KCNQ2: variants seen among roughly 807,000 people sequenced by gnomAD.
KCNQ2 encodes the protein potassium voltage-gated channel subfamily KQT member 2.
In KCNQ2, 14 loss-of-function variants were observed where a neutral mutation model predicts 84.8. The ratio of observed to expected loss-of-function variants is 0.17; its 90% CI spans 0.11 to 0.26. The LOEUF is 0.26. KCNQ2 is among the 10% of genes least tolerant of loss of function. The pLI, the probability that KCNQ2 is intolerant of heterozygous loss-of-function variation, is 1.00. For synonymous variants in KCNQ2, 599 were observed against 554.1 expected (o/e 1.08, Z -1.14); for missense variants, 788 against 1,254.0 (o/e 0.63, Z 5.61).
chr20:63,406,582 C>G lies in KCNQ2; in HGVS notation c.*62G>C. 4 of 1,508,086 alleles carry G rather than the reference C, an allele frequency of 2.7e-6. No individual in the cohort carries two copies. The highest frequency in any genetic ancestry group is 3.5e-6 in the Non-Finnish European group (4 of 1,135,586). 93.4% of individuals were successfully genotyped at this position (1,508,086 alleles called of 1,614,324 possible). A position where few individuals can be genotyped will look rare whatever the true frequency, so the allele number is the denominator to read the frequency against. On this transcript the variant is annotated 3_prime_UTR_variant, in exon 17 of 17. Transcript: ENST00000359125. ...AAAGGGCCCCAGAGGGTTCCCGCCT[C>G]AAAACCTCGGAGGCACCGTGCTGAG...
intron 2 of KCNQ2, among the ~76,000 whole-genome samples, chr20:63,445,791 TG>T (rs1309352644): frequency 2.0e-5 from 3 of 147,564 alleles, no homozygotes; most frequent in Admixed American, 6.7e-5. Context: ...GGACCCTGTC[TG>T]AGCTGGGAGG....
At chr20:63,432,967 C>T (rs1034594873) in intron 8 of KCNQ2, among the ~76,000 whole-genome samples, 1 of 152,182 alleles carries the variant, frequency 6.6e-6, no homozygotes. Context: ...CTGGGAAGTC[C>T]CGGGGCTCAG....
chr20:63,442,364 G>A (rs1600766011), intron 5 of KCNQ2, 42 bp downstream of exon 5: 3 of 1,613,548 alleles, frequency 1.9e-6, no homozygotes, highest in Non-Finnish European at 2.5e-6. Context: ...GGACAGGGGT[G>A]TATCAGCAGG....
At chr20:63,418,243 C>T (rs776192597) in intron 12 of KCNQ2, among the ~76,000 whole-genome samples, 38 of 152,258 alleles carry the variant, frequency 2.5e-4, no homozygotes, top group Non-Finnish European at 2.6e-4. Flanking sequence ...AGCCCTCGGC[C>T]AGAGCTGCCC....
At chr20:63,442,653 C>CCACCAT (rs2081202712) in intron 4 of KCNQ2, 122 bp from the exon 5 acceptor site, 1 of 380,060 alleles carries the variant, frequency 2.6e-6, no homozygotes, top group African/African-American at 4.9e-5. Context: ...AAAACCATCA[C>CCACCAT]CACCACCATC....
chr20:63,408,372 A>C lies in KCNQ2; in HGVS notation c.1887+41T>G, dbSNP rs2080012586. 3 of 1,599,832 alleles carry C rather than the reference A, an allele frequency of 1.9e-6. No homozygotes were observed. The highest frequency in any genetic ancestry group is 2.7e-5 in the African/African-American group (2 of 74,746). ...GCCACAGGTTGACGGCAGGCACCAC[A>C]GCCCTCCAGCCCCGCACCCCTCCCG... On this transcript the variant is annotated intron_variant, in intron 16 of 16. Coordinates refer to ENST00000359125, the MANE Select transcript of KCNQ2 (RefSeq NM_172107.4). This position sits in a 1 kb window ranked among gnomAD's most constrained non-coding sequence, Gnocchi z 5.0.
chr20:63,453,549 C>CG (rs1001804218), intron 1 of KCNQ2: 8 of 152,240 alleles, frequency 5.3e-5, no homozygotes, highest in African/African-American at 1.9e-4. Context: ...GGGGAGGACG[C>CG]GGGGGTCCCT....
chr20:63,421,720 G>A (rs1313499035), intron 11 of KCNQ2, among the ~76,000 whole-genome samples: 1 of 152,194 alleles, frequency 6.6e-6, no homozygotes, highest in Admixed American at 6.5e-5. Flanking sequence ...TGAGGGGGCA[G>A]CCGGTGTTGG....
chr20:63,437,335 G>T (rs1293092018), intron 7 of KCNQ2: 2 of 152,212 alleles, frequency 1.3e-5, no homozygotes, highest in Non-Finnish European at 2.9e-5. Flanking sequence ...ACACGTACGT[G>T]GTCACTTTTT....
chr20:63,432,754 A>ACAGGGAAGGCCCCACCCT lies in KCNQ2; in HGVS notation c.1118+1054_1118+1055insAGGGTGGGGCCTTCCCTG, dbSNP rs1568914375. ...TCCACCCTCAGGGAAGGCTCCACCC[A>ACAGGGAAGGCCCCACCCT]CAGGGAAGGCTCCACCCTCAGGGAA... On this transcript the variant is annotated intron_variant, in intron 8 of 16. Transcript: ENST00000359125. Among the ~76,000 whole-genome samples, 24 of 81,830 alleles carry ACAGGGAAGGCCCCACCCT rather than the reference A, an allele frequency of 2.9e-4. 1 individual carries two copies. Among genetic ancestry groups the ACAGGGAAGGCCCCACCCT allele is most frequent in the Non-Finnish European group, 5.2e-4 (19 of 36,728 alleles). The allele number at this position is 81,830 out of a possible 152,430, so 53.7% of individuals were successfully genotyped here.
intron 1 of KCNQ2, among the ~76,000 whole-genome samples, chr20:63,463,423 C>T (rs1361089934): frequency 1.3e-5 from 2 of 152,128 alleles, no homozygotes; most frequent in Non-Finnish European, 2.9e-5. Flanking sequence ...CCCAGCCGGC[C>T]GAGTGCTGCT....
At chr20:63,418,331 C>G (rs1035423063) in intron 12 of KCNQ2, among the ~76,000 whole-genome samples, 4 of 152,328 alleles carry the variant, frequency 2.6e-5, no homozygotes, top group African/African-American at 9.6e-5. Context: ...CACCTGAGAG[C>G]GCGCCATCCC....
Position 63,460,380 on chromosome 20 carries a change from C to T in KCNQ2, c.296+11788G>A, listed in dbSNP as rs1331570731. On this transcript the variant is annotated intron_variant, in intron 1 of 16. Transcript: ENST00000359125. The surrounding 1 kb of genome is among the most constrained non-coding windows in gnomAD (Gnocchi z 5.4). ...GCTCAAGCTGCCTGTCAGCCCCACCCGAAACCCATTCAGGTGCTGAGGGCA... is the reference window on the plus strand; with the variant it reads ...GCTCAAGCTGCCTGTCAGCCCCACCTGAAACCCATTCAGGTGCTGAGGGCA... 6.6e-6 allele frequency among the ~76,000 whole-genome samples: 1 copy of T among 152,134 alleles called. No individual in the cohort carries two copies. Among genetic ancestry groups the T allele is most frequent in the African/African-American group, 2.4e-5 (1 of 41,432 alleles).
At chr20:63,416,064 C>T (rs769765406) in intron 12 of KCNQ2, among the ~76,000 whole-genome samples, 5 of 152,218 alleles carry the variant, frequency 3.3e-5, no homozygotes, top group Admixed American at 6.5e-5. Flanking sequence ...CCACCAGGTC[C>T]GTGTCAGAGA....
chr20:63,416,905 C>CCACT (rs1423476763), intron 12 of KCNQ2, among the ~76,000 whole-genome samples: 1 of 151,560 alleles, frequency 6.6e-6, no homozygotes, highest in Non-Finnish European at 1.5e-5. Flanking sequence ...CCATCTGTGC[C>CCACT]CACTCAGCAG....
chr20:63,451,138 A>C (rs1391375153), intron 1 of KCNQ2, among the ~76,000 whole-genome samples: 18 of 100,980 alleles, frequency 1.8e-4, no homozygotes, highest in South Asian at 1.2e-3. Context: ...ACTCTGTCCC[A>C]AAAAAAAAAA....
At chr20:63,443,165 CCATCACAT>C (rs2081283490) in intron 4 of KCNQ2, among the ~76,000 whole-genome samples, 2 of 122,150 alleles carry the variant, frequency 1.6e-5, no homozygotes, top group African/African-American at 3.1e-5. Context: ...GGCGCCACCA[CCATCACAT>C]CACCATCACC....
At chr20:63,462,250 A>T (rs1446250895) in intron 1 of KCNQ2, among the ~76,000 whole-genome samples, 47 of 80,008 alleles carry the variant, frequency 5.9e-4, no homozygotes, top group South Asian at 1.3e-3. Flanking sequence ...GGGAGGAGGC[A>T]GCACCTACCC....
intron 1 of KCNQ2, among the ~76,000 whole-genome samples, chr20:63,467,018 C>T (rs1231231054): frequency 2.0e-5 from 3 of 152,234 alleles, no homozygotes; most frequent in South Asian, 2.1e-4. Flanking sequence ...AGGTCTCCCC[C>T]GGGGGACATC....
Sources: allele counts gnomAD v4.1 joint callset (sites outside exome capture counted in the v4.1 genomes callset), GRCh38; gene constraint gnomAD v4.1.1; non-coding constraint Gnocchi (gnomAD v3.1); transcripts MANE v1.5; gene names NCBI Gene and HGNC (gene_info 2026-07-23, HGNC 2026-07-21).